MBNL2: variants seen among roughly 807,000 people sequenced by gnomAD.
MBNL2 encodes muscleblind like splicing regulator 2.
MBNL2 carries 17 observed loss-of-function variants against 41.9 expected under a neutral mutation model. The ratio of observed to expected loss-of-function variants is 0.41; its 90% CI spans 0.28 to 0.61. MBNL2 has a LOEUF of 0.61. Among genes scored for constraint, MBNL2 ranks in the 20% least tolerant of loss-of-function variants. The pLI is 0.35. For synonymous variants in MBNL2, 195 were observed against 182.9 expected (o/e 1.07, Z -0.53); for missense variants, 336 against 505.6 (o/e 0.66, Z 3.22).
At chr13:97,208,243 A>AGG in the MBNL2 span, among the ~76,000 whole-genome samples, 1 of 152,230 alleles carries the variant, frequency 6.6e-6, no homozygotes, top group Non-Finnish European at 1.5e-5. Flanking sequence ...ATAAGCCCAA[A>AGG]GGGGAATTCT....
chr13:97,296,119 C>G (rs2056970657), intron 2 of MBNL2, among the ~76,000 whole-genome samples: 1 of 152,112 alleles, frequency 6.6e-6, no homozygotes, highest in South Asian at 2.1e-4. Flanking sequence ...AGATTCTATC[C>G]ACGCTAAATA....
intron 1 of MBNL2, among the ~76,000 whole-genome samples, chr13:97,252,007 C>T (rs547956059): frequency 5.0e-4 from 75 of 150,648 alleles, no homozygotes; most frequent in Middle Eastern, 6.9e-3. Context: ...CCCGCCACCG[C>T]GCCCGGCTAA....
chr13:97,242,766 C>CTT (rs75897334), intron 1 of MBNL2, among the ~76,000 whole-genome samples: 4 of 144,746 alleles, frequency 2.8e-5, no homozygotes, highest in African/African-American at 2.5e-5. Flanking sequence ...TTACTTGTTC[C>CTT]TTTTTTTTTT....
At chr13:97,375,755 G>A (rs559135054) in intron 8 of MBNL2, among the ~76,000 whole-genome samples, 2 of 152,288 alleles carry the variant, frequency 1.3e-5, no homozygotes, top group African/African-American at 2.4e-5. Context: ...ATTCTTCCTC[G>A]ATAGCATGTG....
At chr13:97,166,602 AG>A in the MBNL2 span, among the ~76,000 whole-genome samples, 2 of 152,140 alleles carry the variant, frequency 1.3e-5, no homozygotes, top group Admixed American at 6.5e-5. Context: ...TGAAAAGAGG[AG>A]ACTGGCCTAG....
the MBNL2 span, among the ~76,000 whole-genome samples, chr13:97,162,287 A>G: frequency 6.6e-6 from 1 of 152,146 alleles, no homozygotes; most frequent in Non-Finnish European, 1.5e-5. Context: ...GCGTATCAAC[A>G]TCCAACTAAG....
At chr13:97,269,894 G>C (rs1172690023) in intron 1 of MBNL2, among the ~76,000 whole-genome samples, 1 of 152,238 alleles carries the variant, frequency 6.6e-6, no homozygotes, top group Non-Finnish European at 1.5e-5. Flanking sequence ...CGTAGAGAGA[G>C]AGGAAGCCTG....
the MBNL2 span, among the ~76,000 whole-genome samples, chr13:97,214,706 G>A: frequency 5.3e-5 from 8 of 152,280 alleles, 1 homozygote; most frequent in South Asian, 1.7e-3. Flanking sequence ...GACATTCTCT[G>A]TCAGAAACAC....
At chr13:97,338,511 T>G (rs1257976532) in intron 3 of MBNL2, among the ~76,000 whole-genome samples, 1 of 152,212 alleles carries the variant, frequency 6.6e-6, no homozygotes, top group Non-Finnish European at 1.5e-5. Context: ...ATTCAAGCCT[T>G]TCTCTCCCCT....
At chr13:97,255,661 T>C (rs1417519004) in intron 1 of MBNL2, among the ~76,000 whole-genome samples, 1 of 152,214 alleles carries the variant, frequency 6.6e-6, no homozygotes, top group Non-Finnish European at 1.5e-5. Flanking sequence ...TCAGAGAGCC[T>C]TCACTTTTTA....
At chr13:97,181,833 A>G in the MBNL2 span, among the ~76,000 whole-genome samples, 1 of 152,194 alleles carries the variant, frequency 6.6e-6, no homozygotes, top group Non-Finnish European at 1.5e-5. Flanking sequence ...TCTTATGGTT[A>G]TGTCCAATGA....
chr13:97,274,989 G>A lies in MBNL2; in HGVS notation c.-604-643G>A, dbSNP rs115027365. 7.8e-3 allele frequency among the ~76,000 whole-genome samples: 1,194 copies of A among 152,256 alleles called. 12 individuals carry two copies. The highest frequency in any genetic ancestry group is 0.027 in the African/African-American group (1,129 of 41,510). ...ATTTCTTGAGGGTCTAATATACGCC[G>A]TAGACTAAGGCACTGGGAATACAGA... On this transcript the variant is annotated intron_variant, in intron 1 of 8. Transcript: ENST00000679496.
chr13:97,297,432 T>A (rs75198286), intron 2 of MBNL2, among the ~76,000 whole-genome samples: 9,959 of 152,164 alleles, frequency 0.065, 455 homozygotes, highest in African/African-American at 0.13. Context: ...TTAACCCCAG[T>A]CCAGGGGTTG....
chr13:97,257,363 A>G (rs905759329), intron 1 of MBNL2, among the ~76,000 whole-genome samples: 1 of 152,176 alleles, frequency 6.6e-6, no homozygotes, highest in African/African-American at 2.4e-5. Flanking sequence ...GGGTGGTATC[A>G]CAGGTTAGGC....
intron 2 of MBNL2, among the ~76,000 whole-genome samples, chr13:97,306,904 G>T (rs1366749118): frequency 1.3e-5 from 2 of 152,152 alleles, no homozygotes; most frequent in East Asian, 3.9e-4. Context: ...AGAAAATTTG[G>T]ATGGATTCTC....
chr13:97,239,064 A>T (rs2043803218), intron 1 of MBNL2, among the ~76,000 whole-genome samples: 1 of 152,244 alleles, frequency 6.6e-6, no homozygotes, highest in Admixed American at 6.5e-5. Flanking sequence ...AAGATGCTAC[A>T]TCCAGCCTCA....
chr13:97,233,086 A>G (rs2042631189), intron 1 of MBNL2, among the ~76,000 whole-genome samples: 2 of 127,110 alleles, frequency 1.6e-5, no homozygotes, highest in Admixed American at 8.7e-5. Flanking sequence ...CTTCCTGTGC[A>G]GTGCCGTTTT....
upstream of MBNL2, among the ~76,000 whole-genome samples, chr13:97,217,841 G>C (rs1401201817): frequency 2.0e-5 from 3 of 152,038 alleles, no homozygotes; most frequent in Admixed American, 2.0e-4. Flanking sequence ...GAGAGGTAAG[G>C]AACAGGTAAA....
chr13:97,246,547 T>C (rs2045515047), intron 1 of MBNL2, among the ~76,000 whole-genome samples: 1 of 152,230 alleles, frequency 6.6e-6, no homozygotes, highest in Non-Finnish European at 1.5e-5. Flanking sequence ...AAATTGAACT[T>C]CTAATCCAGA....
Sources: allele counts gnomAD v4.1 joint callset (sites outside exome capture counted in the v4.1 genomes callset), GRCh38; gene constraint gnomAD v4.1.1; transcripts MANE v1.5; gene names NCBI Gene and HGNC (gene_info 2026-07-23, HGNC 2026-07-21).